PIAS2: variants seen among roughly 807,000 people sequenced by gnomAD.
PIAS2 encodes the protein protein inhibitor of activated STAT 2, also known as E3 SUMO-protein ligase PIAS2.
Under a neutral mutation model 69.7 loss-of-function variants are expected in PIAS2, and 19 were observed. The ratio of observed to expected loss-of-function variants is 0.27; its 90% CI spans 0.19 to 0.40. The LOEUF is 0.40. Among genes scored for constraint, PIAS2 ranks in the 10% least tolerant of loss-of-function variants. The pLI is 1.00. For synonymous variants in PIAS2, 261 were observed against 263.2 expected (o/e 0.99, Z 0.08); for missense variants, 624 against 757.0 (o/e 0.82, Z 2.06).
intron 2 of PIAS2, among the ~76,000 whole-genome samples, chr18:46,886,546 T>G (rs1055466735): frequency 8.5e-5 from 13 of 152,198 alleles, no homozygotes; most frequent in Admixed American, 8.5e-4. Context: ...TTAAAATACT[T>G]GCTCTTGTTG....
In PIAS2 at chr18:46,808,128, T is replaced by C. The variant is rs1473719238; in HGVS notation, c.*4305A>G. 2 of 152,244 alleles carry C rather than the reference T, an allele frequency of 1.3e-5. No individual in the cohort carries two copies. Among genetic ancestry groups the C allele is most frequent in the Non-Finnish European group, 2.9e-5 (2 of 68,046 alleles). 9.4% of individuals were successfully genotyped at this position (152,244 alleles called of 1,614,324 possible). A position where few individuals can be genotyped will look rare whatever the true frequency, so the allele number is the denominator to read the frequency against. ...AAATTAATAATAGTTGACACAGTTT[T>C]AATGACATGGAATAATGCCTGTAGG... On this transcript the variant is annotated 3_prime_UTR_variant, in exon 14 of 14. Coordinates refer to ENST00000585916, the MANE Select transcript of PIAS2 (RefSeq NM_004671.5).
chr18:46,840,902 A>G (rs2045284225), intron 8 of PIAS2, among the ~76,000 whole-genome samples: 1 of 152,174 alleles, frequency 6.6e-6, no homozygotes, highest in African/African-American at 2.4e-5. Flanking sequence ...AATTACTACC[A>G]ATCTAAATTA....
intron 1 of PIAS2, 49 bp downstream of exon 1, chr18:46,917,273 T>C: frequency 7.0e-7 from 1 of 1,436,478 alleles, no homozygotes; most frequent in Non-Finnish European, 9.2e-7. Flanking sequence ...TTTCCCCACC[T>C]CCTCTCCCAT....
At chr18:46,881,970 G>A (rs1484314799) in intron 2 of PIAS2, among the ~76,000 whole-genome samples, 1 of 152,138 alleles carries the variant, frequency 6.6e-6, no homozygotes, top group East Asian at 1.9e-4. Context: ...GGTGACACAT[G>A]CCTGTAATCC....
intron 9 of PIAS2, among the ~76,000 whole-genome samples, chr18:46,834,094 A>C (rs1325184380): frequency 6.6e-6 from 1 of 152,072 alleles, no homozygotes; most frequent in East Asian, 1.9e-4. Flanking sequence ...CTGACACATG[A>C]TAGGTATTTA....
rs1221245000 is a variant in PIAS2 at position 46,807,210 on chromosome 18, CTTT to C, written c.*5220_*5222del. ...AAGGGCAGGCCTTAGGTACAAGAGG[CTTT>C]TTTTAAAAAGTGACAAAACTTTTGA... On this transcript the variant is annotated 3_prime_UTR_variant, in exon 14 of 14. Transcript: ENST00000585916. The C allele has an allele frequency of 3.3e-5, 5 of 150,404 alleles. No homozygotes were observed. In the South Asian group the frequency reaches 1.1e-3, roughly 32 times the overall value. The allele number at this position is 150,404 out of a possible 1,614,324, so 9.3% of individuals were successfully genotyped here. A position where few individuals can be genotyped will look rare whatever the true frequency, so the allele number is the denominator to read the frequency against.
At chr18:46,837,953 T>C (rs1005734454) in intron 8 of PIAS2, among the ~76,000 whole-genome samples, 2 of 152,134 alleles carry the variant, frequency 1.3e-5, no homozygotes, top group Non-Finnish European at 2.9e-5. Context: ...GTTGACCAGA[T>C]AGGAGAATGA....
chr18:46,906,780 G>C (rs943926651), intron 1 of PIAS2, among the ~76,000 whole-genome samples: 3 of 144,630 alleles, frequency 2.1e-5, no homozygotes, highest in Admixed American at 6.9e-5. Flanking sequence ...GTGTGGGGGG[G>C]GGGGGAGGTG....
intron 1 of PIAS2, chr18:46,916,989 A>T (rs904324326): frequency 6.1e-6 from 6 of 986,094 alleles, no homozygotes; most frequent in Non-Finnish European, 7.2e-6. Flanking sequence ...GTTGCTTCCC[A>T]CATCGGCCCT....
chr18:46,858,653 C>T (rs138516896), intron 3 of PIAS2, among the ~76,000 whole-genome samples: 10 of 152,074 alleles, frequency 6.6e-5, no homozygotes, highest in African/African-American at 2.2e-4. Flanking sequence ...GCCTTGATTG[C>T]GGCACTGTAC....
rs1014955085 is a variant in PIAS2 at position 46,808,660 on chromosome 18, G to A, written c.*3773C>T. ...CCTAGGACCACTAAATCCAATGTCAGACGTGTTTAAATGGTGCACTGCTCT... is the reference window on the plus strand; with the variant it reads ...CCTAGGACCACTAAATCCAATGTCAAACGTGTTTAAATGGTGCACTGCTCT... On this transcript the variant is annotated 3_prime_UTR_variant, in exon 14 of 14. Coordinates refer to ENST00000585916, the MANE Select transcript of PIAS2 (RefSeq NM_004671.5). 2 of 152,164 alleles carry A rather than the reference G, an allele frequency of 1.3e-5. No homozygotes were observed. Among genetic ancestry groups the A allele is most frequent in the Non-Finnish European group, 2.9e-5 (2 of 68,040 alleles). 9.4% of individuals were successfully genotyped at this position (152,164 alleles called of 1,614,324 possible).
intron 1 of PIAS2, chr18:46,891,316 C>T: frequency 1.9e-6 from 1 of 532,568 alleles, no homozygotes; most frequent in Non-Finnish European, 3.4e-6. Flanking sequence ...CTACTAACCA[C>T]TTCATTATCT....
At chr18:46,883,656 T>C (rs908818905) in intron 2 of PIAS2, among the ~76,000 whole-genome samples, 1 of 151,986 alleles carries the variant, frequency 6.6e-6, no homozygotes, top group Non-Finnish European at 1.5e-5. Context: ...CTGGGCAACA[T>C]AGCAAAATCT....
chr18:46,859,863 T>TA (rs1394053531), intron 3 of PIAS2, among the ~76,000 whole-genome samples: 4 of 152,112 alleles, frequency 2.6e-5, no homozygotes, highest in Non-Finnish European at 5.9e-5. Context: ...AATATTATCA[T>TA]AGAGTAGCAA....
chr18:46,807,346 T>C lies in PIAS2; in HGVS notation c.*5087A>G, dbSNP rs556055649. ...GCCATACGTAGGTGTTTCTGAAACA[T>C]GTCAGATTTTATATATATATATATA... On this transcript the variant is annotated 3_prime_UTR_variant, in exon 14 of 14. Coordinates refer to ENST00000585916, the MANE Select transcript of PIAS2 (RefSeq NM_004671.5). 1.1e-3 allele frequency: 135 copies of C among 118,472 alleles called. 2 individuals are homozygous for C. Among genetic ancestry groups the C allele is most frequent in the Middle Eastern group, 4.7e-3 (1 of 212 alleles). The allele number at this position is 118,472 out of a possible 1,614,324, so 7.3% of individuals were successfully genotyped here.
intron 9 of PIAS2, among the ~76,000 whole-genome samples, chr18:46,832,963 T>C (rs1255387549): frequency 6.6e-6 from 1 of 150,776 alleles, no homozygotes; most frequent in African/African-American, 2.4e-5. Context: ...ACTCTCCATA[T>C]ACTGCTGGTG....
At chr18:46,851,013 T>G (rs1187549815) in intron 5 of PIAS2, among the ~76,000 whole-genome samples, 2 of 152,126 alleles carry the variant, frequency 1.3e-5, no homozygotes, top group African/African-American at 4.8e-5. Context: ...TTCTTTCAGA[T>G]GTCAAAATTA....
At chr18:46,865,304 C>G (rs1437337396) in intron 2 of PIAS2, among the ~76,000 whole-genome samples, 1 of 152,024 alleles carries the variant, frequency 6.6e-6, no homozygotes, top group Non-Finnish European at 1.5e-5. Context: ...CTCTGGGAGG[C>G]CGAGGCAGGT....
At chr18:46,837,422 C>A (rs1405329108) in intron 8 of PIAS2, among the ~76,000 whole-genome samples, 1 of 152,086 alleles carries the variant, frequency 6.6e-6, no homozygotes, top group Admixed American at 6.5e-5. Context: ...TACCTATAAC[C>A]TTTTCTCATT....
Sources: gnomAD v4.1 joint callset for allele counts (sites outside exome capture counted in the v4.1 genomes callset) on GRCh38, gnomAD v4.1.1 for gene constraint, MANE v1.5 for transcripts, NCBI Gene and HGNC (gene_info 2026-07-23, HGNC 2026-07-21) for gene names.